The following POLD3 variants were observed in gnomAD, a reference collection of about 807,000 sequenced individuals.
The protein encoded by POLD3 is DNA polymerase delta 3, accessory subunit.
A neutral mutation model predicts 58.2 loss-of-function variants in POLD3; 19 were observed. The observed-to-expected ratio is 0.33, with a 90% CI of 0.23 to 0.48. The LOEUF (loss-of-function observed/expected upper bound fraction) is 0.48. Among genes scored for constraint, POLD3 ranks in the 20% least tolerant of loss-of-function variants. The pLI is 0.99. For synonymous variants in POLD3, 172 were observed against 193.5 expected, an observed-to-expected ratio of 0.89 and a Z score of 0.92; for missense variants, 504 against 545.5, an observed-to-expected ratio of 0.92 and a Z score of 0.76.
At chr11:74,604,578 C>G in intron 2 of POLD3, 114 bp from the exon 3 acceptor site, 1 of 648,792 alleles carries the variant, frequency 1.5e-6, no homozygotes. Flanking sequence ...TGCTACTGTT[C>G]AGAAAATTTG....
At chr11:74,594,822 G>C (rs1565108506) in intron 2 of POLD3, among the ~76,000 whole-genome samples, 1 of 152,016 alleles carries the variant, frequency 6.6e-6, no homozygotes, top group Non-Finnish European at 1.5e-5. Context: ...TCGAGCGAAG[G>C]GGGAAGCCCC....
chr11:74,640,395 C>T lies in POLD3; in HGVS notation c.1199-169C>T, dbSNP rs1055170131. Among the ~76,000 whole-genome samples the T allele has an allele frequency of 2.6e-5, 4 of 152,246 alleles. No individual in the cohort carries two copies. The South Asian group carries it at 8.3e-4, about 32-fold the overall frequency. On this transcript the variant is annotated intron_variant, in intron 11 of 11. Transcript: ENST00000263681. Reference sequence around the variant, plus strand: ...TGTGAGCTCAGGATCCCACATAGTTCCTACCTTAGGCTAGATCTGATCTCC... The same window carrying T: ...TGTGAGCTCAGGATCCCACATAGTTTCTACCTTAGGCTAGATCTGATCTCC...
At chr11:74,603,311 G>A (rs1208153838) in intron 2 of POLD3, among the ~76,000 whole-genome samples, 1 of 152,216 alleles carries the variant, frequency 6.6e-6, no homozygotes, top group East Asian at 1.9e-4. Flanking sequence ...GATTTGGAGG[G>A]CATGGAGTCA....
intron 9 of POLD3, 24 bp from the exon 10 acceptor site, chr11:74,634,559 T>C: frequency 2.4e-6 from 3 of 1,254,188 alleles, no homozygotes; most frequent in Non-Finnish European, 3.5e-6. Flanking sequence ...AGTTCTCTGA[T>C]CTAAGTCCGT....
chr11:74,626,765 TG>T (rs376965467), intron 8 of POLD3, among the ~76,000 whole-genome samples: 24 of 152,266 alleles, frequency 1.6e-4, no homozygotes, highest in African/African-American at 5.8e-4. Flanking sequence ...TGCATAACGA[TG>T]TTTGGGTCAA....
chr11:74,640,850 A>G lies in POLD3; in HGVS notation c.*84A>G. 2.2e-6 allele frequency: 3 copies of G among 1,374,930 alleles called. No individual in the cohort carries two copies. Among genetic ancestry groups the G allele is most frequent in the South Asian group, 1.9e-5 (1 of 51,676 alleles). The allele number at this position is 1,374,930 out of a possible 1,614,324, so 85.2% of individuals were successfully genotyped here. On this transcript the variant is annotated 3_prime_UTR_variant, in exon 12 of 12. Coordinates refer to ENST00000263681, the MANE Select transcript of POLD3 (RefSeq NM_006591.3). ...TACTCCTCACTTACTATGTAAGTTCATCTAGATCTCCACCTCACCTGTATC... is the reference window on the plus strand; with the variant it reads ...TACTCCTCACTTACTATGTAAGTTCGTCTAGATCTCCACCTCACCTGTATC...
intron 3 of POLD3, among the ~76,000 whole-genome samples, chr11:74,610,155 T>C (rs2031858367): frequency 6.6e-6 from 1 of 152,304 alleles, no homozygotes; most frequent in East Asian, 1.9e-4. Context: ...TAATATGTTT[T>C]AGGGCTATTT....
chr11:74,634,714 T>A lies in POLD3; in HGVS notation c.1119+19T>A. 7.4e-7 allele frequency: 1 copy of A among 1,351,340 alleles called. No individual in the cohort carries two copies. The allele number at this position is 1,351,340 out of a possible 1,614,324, so 83.7% of individuals were successfully genotyped here. On this transcript the variant is annotated intron_variant, in intron 10 of 11. Transcript: ENST00000263681. ...TGTCAAGGTAAAATTATACTGGGAT[T>A]CTTGCATGTCCATGCATCCTTTGTG...
At chr11:74,640,291 T>A (rs559798465) in intron 11 of POLD3, among the ~76,000 whole-genome samples, 5 of 152,294 alleles carry the variant, frequency 3.3e-5, no homozygotes, top group African/African-American at 9.6e-5. Context: ...AATTCACTGA[T>A]AAAGGGCCAT....
Position 74,641,583 on chromosome 11 carries a change from G to T in POLD3, c.*817G>T. 1 of 985,418 alleles carries T rather than the reference G, an allele frequency of 1.0e-6. No individual in the cohort carries two copies. The highest frequency in any genetic ancestry group is 1.2e-6 in the Non-Finnish European group (1 of 829,974). 61.0% of individuals were successfully genotyped at this position (985,418 alleles called of 1,614,324 possible). A position where few individuals can be genotyped will look rare whatever the true frequency, so the allele number is the denominator to read the frequency against. ...TTTATGCTGCTCTTTGCGGTTTGTT[G>T]ATCCCCTCCTCCCCCACTCTCAATA... On this transcript the variant is annotated 3_prime_UTR_variant, in exon 12 of 12. Transcript: ENST00000263681.
chr11:74,604,325 C>A (rs1257002332), intron 2 of POLD3, among the ~76,000 whole-genome samples: 4 of 152,186 alleles, frequency 2.6e-5, no homozygotes, highest in Non-Finnish European at 5.9e-5. Context: ...GAGGCCTAGA[C>A]AAATTAATTA....
At chr11:74,619,456 G>C (rs369756966) in intron 6 of POLD3, among the ~76,000 whole-genome samples, 13 of 152,142 alleles carry the variant, frequency 8.5e-5, no homozygotes, top group African/African-American at 3.1e-4. Flanking sequence ...GAAAGAAGAA[G>C]GATGGAGGAA....
intron 2 of POLD3, among the ~76,000 whole-genome samples, chr11:74,596,162 C>T (rs984342038): frequency 1.0e-4 from 15 of 147,868 alleles, no homozygotes; most frequent in South Asian, 2.1e-4. Flanking sequence ...CCACTGTGCC[C>T]GGCCTAAGAA....
At position 74,639,636 on chromosome 11, in the gene POLD3, T is replaced by TG. The variant is rs1177055723; in HGVS notation, c.1199-927dup. On this transcript the variant is annotated intron_variant, in intron 11 of 11. Transcript: ENST00000263681. ...TGTTTCTTGTGGTTGGTATATGTGT[T>TG]GCAGTAGTGTAGATCCTCCTCGGTT... 7.9e-5 allele frequency among the ~76,000 whole-genome samples: 12 copies of TG among 152,338 alleles called. No individual in the cohort carries two copies. The South Asian group carries it at 2.5e-3, about 32-fold the overall frequency.
chr11:74,606,998 C>T (rs929317190), intron 3 of POLD3, among the ~76,000 whole-genome samples: 1 of 151,914 alleles, frequency 6.6e-6, no homozygotes, highest in Non-Finnish European at 1.5e-5. Context: ...CTGGACCTGC[C>T]CTCCCAATAG....
intron 11 of POLD3, 135 bp from the exon 12 acceptor site, chr11:74,640,429 G>A: frequency 9.5e-7 from 1 of 1,057,922 alleles, no homozygotes; most frequent in Non-Finnish European, 1.3e-6. Context: ...CCCAGTGGGA[G>A]AAAGATTGAG....
chr11:74,618,486 C>T (rs773340236), intron 5 of POLD3, 51 bp from the exon 6 acceptor site: 1 of 1,410,760 alleles, frequency 7.1e-7, no homozygotes, highest in Non-Finnish European at 9.7e-7. Context: ...TGTTGAACCA[C>T]CCAAGAATGC....
At chr11:74,659,499 A>G (rs1422781034) in intron 4 of POLD3, among the ~76,000 whole-genome samples, 1 of 152,160 alleles carries the variant, frequency 6.6e-6, no homozygotes, top group Non-Finnish European at 1.5e-5. Context: ...TTTCTATCAC[A>G]TTGTCAGGCT....
At chr11:74,664,703 A>C (rs1249762099) in intron 4 of POLD3, among the ~76,000 whole-genome samples, 1 of 152,222 alleles carries the variant, frequency 6.6e-6, no homozygotes, top group Non-Finnish European at 1.5e-5. Context: ...AGCAAGAGGG[A>C]TTTATCCTAG....
Sources: allele counts gnomAD v4.1 joint callset (sites outside exome capture counted in the v4.1 genomes callset), GRCh38; gene constraint gnomAD v4.1.1; transcripts MANE v1.5; gene names NCBI Gene and HGNC (gene_info 2026-07-23, HGNC 2026-07-21).